The following GPHN variants were observed in gnomAD, a reference collection of about 807,000 sequenced individuals.
The protein encoded by GPHN is gephyrin.
In GPHN, 17 loss-of-function variants were observed where a neutral mutation model predicts 95.5. That is an observed-to-expected ratio of 0.18 (90% CI 0.12 to 0.27). The LOEUF (loss-of-function observed/expected upper bound fraction) is 0.27. Among genes scored for constraint, GPHN ranks in the 10% least tolerant of loss-of-function variants. The pLI is 1.00. For missense variants in GPHN, 660 were observed against 978.1 expected (o/e 0.67, Z 4.34); for synonymous variants, 320 against 322.5 (o/e 0.99, Z 0.08).
At chr14:66,797,303 G>A (rs561422597) in intron 3 of GPHN, among the ~76,000 whole-genome samples, 2 of 151,596 alleles carry the variant, frequency 1.3e-5, no homozygotes, top group African/African-American at 2.4e-5. Context: ...TAGGATAGCT[G>A]TGGCTATTCT....
At chr14:67,674,405 G>A in the GPHN span, 7 of 1,604,164 alleles carry the variant, frequency 4.4e-6, no homozygotes, top group Middle Eastern at 4.5e-4. Context: ...AGCCGCTCGG[G>A]CACCCCTTGT....
the GPHN span, among the ~76,000 whole-genome samples, chr14:67,602,838 ATTAT>A: frequency 1.1e-4 from 16 of 152,246 alleles, no homozygotes; most frequent in Admixed American, 5.9e-4. Flanking sequence ...ACTAGCTATT[ATTAT>A]TTAATGTGTC....
At chr14:67,576,768 G>C in the GPHN span, among the ~76,000 whole-genome samples, 677 of 152,256 alleles carry the variant, frequency 4.4e-3, 9 homozygotes, top group African/African-American at 0.016. This position sits in a 1 kb window ranked among gnomAD's most constrained non-coding sequence, Gnocchi z 4.0. Context: ...AAGCTGCCCC[G>C]TTGCTGGCTG....
the GPHN span, chr14:67,579,889 C>T: frequency 6.3e-7 from 1 of 1,586,048 alleles, no homozygotes; most frequent in Non-Finnish European, 8.6e-7. Flanking sequence ...GACAGCCTCC[C>T]ACTAAGCCAG....
At chr14:66,897,328 G>T (rs2064903830) in intron 5 of GPHN, among the ~76,000 whole-genome samples, 2 of 152,030 alleles carry the variant, frequency 1.3e-5, no homozygotes, top group South Asian at 4.1e-4. Context: ...TTGATATACT[G>T]ATTTCCTTTC....
intron 1 of GPHN, among the ~76,000 whole-genome samples, chr14:66,632,041 A>G (rs2063835515): frequency 6.6e-6 from 1 of 152,224 alleles, no homozygotes; most frequent in South Asian, 2.1e-4. Context: ...TTTTCTGGTC[A>G]ATAAAATAAA....
At chr14:66,531,322 A>G (rs1227525036) in intron 1 of GPHN, among the ~76,000 whole-genome samples, 2 of 152,066 alleles carry the variant, frequency 1.3e-5, no homozygotes, top group Non-Finnish European at 2.9e-5. Flanking sequence ...ATTTTAAAAA[A>G]TTGCCAGGAG....
the GPHN span, chr14:67,386,640 C>T: frequency 6.6e-6 from 1 of 152,222 alleles, no homozygotes; most frequent in Non-Finnish European, 1.5e-5. Context: ...AAATCTTCCC[C>T]ATTTACATCT....
At chr14:67,194,860 G>A in the GPHN span, among the ~76,000 whole-genome samples, 1 of 152,170 alleles carries the variant, frequency 6.6e-6, no homozygotes, top group East Asian at 1.9e-4. Context: ...GTTTCACAAC[G>A]TTGGCCAGGC....
chr14:67,550,147 A>G, the GPHN span, among the ~76,000 whole-genome samples: 9 of 133,316 alleles, frequency 6.8e-5, no homozygotes, highest in Non-Finnish European at 1.5e-4. Context: ...ATTGAACAAA[A>G]GATCTGTTGC....
the GPHN span, among the ~76,000 whole-genome samples, chr14:67,493,267 C>T: frequency 6.6e-6 from 1 of 152,188 alleles, no homozygotes; most frequent in Non-Finnish European, 1.5e-5. Flanking sequence ...CTCCCTATCT[C>T]TGTTGCACCC....
chr14:67,509,489 T>C, the GPHN span, among the ~76,000 whole-genome samples: 2 of 152,136 alleles, frequency 1.3e-5, no homozygotes, highest in Admixed American at 6.5e-5. Context: ...CAGCTAATTT[T>C]TGTGTTTTTA....
At chr14:66,617,587 G>A (rs555136999) in intron 1 of GPHN, among the ~76,000 whole-genome samples, 11 of 152,224 alleles carry the variant, frequency 7.2e-5, no homozygotes, top group Non-Finnish European at 1.5e-4. Context: ...GCTGGTGAGG[G>A]ATTCACAGTC....
chr14:66,767,707 A>G (rs1429892564), intron 2 of GPHN, among the ~76,000 whole-genome samples: 2 of 152,024 alleles, frequency 1.3e-5, no homozygotes, highest in Non-Finnish European at 2.9e-5. Flanking sequence ...TGAGCCAGCT[A>G]CAAAGATAAT....
chr14:67,486,260 T>C, the GPHN span, among the ~76,000 whole-genome samples: 12 of 152,336 alleles, frequency 7.9e-5, no homozygotes, highest in African/African-American at 2.2e-4. Context: ...ATAAATCTCA[T>C]GAGATCTGAT....
the GPHN span, among the ~76,000 whole-genome samples, chr14:67,359,306 T>C: frequency 6.6e-6 from 1 of 152,192 alleles, no homozygotes; most frequent in Non-Finnish European, 1.5e-5. Flanking sequence ...AACTGTGAGC[T>C]CTGTAGGGCA....
intron 4 of GPHN, among the ~76,000 whole-genome samples, chr14:66,835,715 A>T (rs894583736): frequency 1.3e-5 from 2 of 152,058 alleles, no homozygotes; most frequent in Non-Finnish European, 2.9e-5. Context: ...TCAGCCCAAA[A>T]TCTCCTTAAG....
intron 4 of GPHN, among the ~76,000 whole-genome samples, chr14:66,828,997 A>G (rs141808956): frequency 0.012 from 1,826 of 151,636 alleles, 19 homozygotes; most frequent in Non-Finnish European, 0.018. Context: ...AAACTTACAT[A>G]TGAAAGCATG....
chr14:66,713,489 G>A (rs761857518), intron 2 of GPHN, among the ~76,000 whole-genome samples: 3 of 152,150 alleles, frequency 2.0e-5, no homozygotes, highest in Admixed American at 6.5e-5. Context: ...GCATTGGCCC[G>A]TGTGCCTATT....
Sources: allele counts gnomAD v4.1 joint callset (sites outside exome capture counted in the v4.1 genomes callset), GRCh38; gene constraint gnomAD v4.1.1; non-coding constraint Gnocchi (gnomAD v3.1); transcripts MANE v1.5; gene names NCBI Gene and HGNC (gene_info 2026-07-23, HGNC 2026-07-21).